Variants in NTM observed in about 807,000 individuals in gnomAD.
NTM encodes the protein IgLON family member 2.
Under a neutral mutation model 42.1 loss-of-function variants are expected in NTM, and 13 were observed. That is an observed-to-expected ratio of 0.31 (90% CI 0.20 to 0.49). The LOEUF is 0.49. Ranked by LOEUF, NTM falls within the 20% of genes least tolerant of loss-of-function variation. The probability of loss-of-function intolerance (pLI) is 0.99; values close to 1 mark genes in which losing one functional copy is unlikely to be tolerated. For missense variants in NTM, 373 were observed against 452.8 expected (o/e 0.82, Z 1.60); for synonymous variants, 187 against 179.2 (o/e 1.04, Z -0.35).
At chr11:132,164,178 GA>G (rs1212413279) in intron 3 of NTM, among the ~76,000 whole-genome samples, 14 of 152,192 alleles carry the variant, frequency 9.2e-5, no homozygotes, top group Admixed American at 2.6e-4. Context: ...AAATGGGTTG[GA>G]AAAATCGCTG....
chr11:132,327,316 A>T (rs961990485), intron 7 of NTM, among the ~76,000 whole-genome samples: 1 of 152,204 alleles, frequency 6.6e-6, no homozygotes, highest in African/African-American at 2.4e-5. Flanking sequence ...GTAAAGGTTG[A>T]CTGATTAATG....
At chr11:131,984,551 C>T (rs1429950287) in intron 2 of NTM, 2 of 152,208 alleles carry the variant, frequency 1.3e-5, no homozygotes, top group African/African-American at 4.8e-5. Context: ...TCCTCCATGG[C>T]CACATCTGAA....
At chr11:132,313,830 TGGCTTACTG>T (rs1474466428) in intron 6 of NTM, among the ~76,000 whole-genome samples, 3 of 152,148 alleles carry the variant, frequency 2.0e-5, no homozygotes, top group Non-Finnish European at 4.4e-5. Flanking sequence ...CAAGTCCTTG[TGGCTTACTG>T]GGCTGCCATT....
At chr11:132,060,637 A>G (rs2080510882) in intron 2 of NTM, among the ~76,000 whole-genome samples, 1 of 152,210 alleles carries the variant, frequency 6.6e-6, no homozygotes, top group Non-Finnish European at 1.5e-5. Flanking sequence ...AGAAAATCAA[A>G]CACAGACTTT....
intron 1 of NTM, among the ~76,000 whole-genome samples, chr11:131,427,589 C>CCTTAA (rs1948272445): frequency 6.6e-6 from 1 of 152,208 alleles, no homozygotes; most frequent in Non-Finnish European, 1.5e-5. Flanking sequence ...TTAATGCCTC[C>CCTTAA]TGTCCCTCGG....
At chr11:132,248,359 A>G (rs1233096821) in intron 4 of NTM, among the ~76,000 whole-genome samples, 3 of 151,136 alleles carry the variant, frequency 2.0e-5, no homozygotes, top group African/African-American at 7.3e-5. Context: ...CTCCTACACT[A>G]TAATTTAAAA....
chr11:132,218,788 T>G (rs1249657586), intron 4 of NTM, among the ~76,000 whole-genome samples: 1 of 152,212 alleles, frequency 6.6e-6, no homozygotes, highest in Non-Finnish European at 1.5e-5. Context: ...CCTTCAGGTC[T>G]GAGCATTAAG....
intron 1 of NTM, among the ~76,000 whole-genome samples, chr11:131,825,495 G>A (rs886964439): frequency 3.9e-5 from 6 of 152,132 alleles, no homozygotes; most frequent in African/African-American, 1.2e-4. Flanking sequence ...GTCATGTTAC[G>A]GACTTGGTTC....
chr11:131,742,432 C>CT (rs951067512), intron 1 of NTM, among the ~76,000 whole-genome samples: 228 of 151,442 alleles, frequency 1.5e-3, no homozygotes, highest in African/African-American at 4.3e-3. Flanking sequence ...ATAAAAATGA[C>CT]TTTTTTTTTC....
intron 4 of NTM, among the ~76,000 whole-genome samples, chr11:132,280,728 T>C (rs1437215878): frequency 6.6e-6 from 1 of 152,058 alleles, no homozygotes; most frequent in Non-Finnish European, 1.5e-5. Context: ...TCAGGTGATC[T>C]GCCCACCTCG....
At chr11:131,377,177 C>G (rs796875942) in intron 1 of NTM, among the ~76,000 whole-genome samples, 14 of 152,300 alleles carry the variant, frequency 9.2e-5, no homozygotes, top group African/African-American at 3.1e-4. Flanking sequence ...CACACCCTGG[C>G]TCTGGGTTCT....
At chr11:131,393,223 G>A (rs182549233) in intron 1 of NTM, among the ~76,000 whole-genome samples, 39 of 152,280 alleles carry the variant, frequency 2.6e-4, no homozygotes, top group African/African-American at 8.9e-4. Context: ...AAACTCTGAA[G>A]TGGATCCCCA....
At chr11:131,663,518 G>A in intron 1 of NTM, 1 of 152,596 alleles carries the variant, frequency 6.6e-6, no homozygotes. Context: ...CACGGGCCAG[G>A]CCACTGAGAG....
chr11:131,540,050 A>T (rs1003227880), intron 1 of NTM, among the ~76,000 whole-genome samples: 1 of 152,030 alleles, frequency 6.6e-6, no homozygotes, highest in Admixed American at 6.5e-5. Flanking sequence ...ATGTGGGAAC[A>T]TGCTGTGGAG....
At chr11:131,800,315 G>A (rs1377234184) in intron 1 of NTM, among the ~76,000 whole-genome samples, 1 of 152,164 alleles carries the variant, frequency 6.6e-6, no homozygotes, top group African/African-American at 2.4e-5. Context: ...CAGGCTAAAC[G>A]GTTTTACTTC....
At chr11:131,740,245 C>A (rs1163392296) in intron 1 of NTM, among the ~76,000 whole-genome samples, 1 of 152,270 alleles carries the variant, frequency 6.6e-6, no homozygotes, top group South Asian at 2.1e-4. Flanking sequence ...CTGCCGGCAT[C>A]CATGTGCCTC....
At position 132,335,074 on chromosome 11, in the gene NTM, C is replaced by T. The variant is rs758589814; in HGVS notation, c.996C>T (p.Asn332=). ...KGPGAVSEVS[N]GTSRRAGCVW... is the part of the protein sequence containing the mutation. Reference sequence around the variant, plus strand: ...CAGGCGCCGTCAGCGAGGTGAGCAACGGCACGTCGAGGAGGGCAGGCTGCG... The same window carrying T: ...CAGGCGCCGTCAGCGAGGTGAGCAATGGCACGTCGAGGAGGGCAGGCTGCG... The change falls in exon 9 of 9, where the codon AAC becomes AAT. Residue 332 remains asparagine, a synonymous_variant. Transcript: ENST00000683400. 4.5e-5 allele frequency: 72 copies of T among 1,612,524 alleles called. No homozygotes were observed. In the East Asian group the frequency reaches 5.8e-4, roughly 13 times the overall value.
At chr11:132,019,988 C>G (rs1471921731) in intron 2 of NTM, among the ~76,000 whole-genome samples, 1 of 151,880 alleles carries the variant, frequency 6.6e-6, no homozygotes, top group Admixed American at 6.6e-5. Flanking sequence ...CAATCCTGTA[C>G]TCCTCCCCTC....
At chr11:132,032,758 G>A (rs491184) in intron 2 of NTM, among the ~76,000 whole-genome samples, 66,135 of 151,946 alleles carry the variant, frequency 0.44, 15,182 homozygotes, top group African/African-American at 0.57. Flanking sequence ...CTCTAAGAAG[G>A]CTCCTCTGGG....
Sources: gnomAD v4.1 joint callset for allele counts (sites outside exome capture counted in the v4.1 genomes callset) on GRCh38, gnomAD v4.1.1 for gene constraint, MANE v1.5 for transcripts, NCBI Gene and HGNC (gene_info 2026-07-23, HGNC 2026-07-21) for gene names.